PPP2R2A: variants seen among roughly 807,000 people sequenced by gnomAD.
The protein encoded by PPP2R2A is serine/threonine-protein phosphatase 2A 55 kDa regulatory subunit B alpha isoform.
In PPP2R2A, 9 loss-of-function variants were observed where a neutral mutation model predicts 53.2. The observed-to-expected ratio is 0.17, with a 90% CI of 0.10 to 0.30. PPP2R2A has a LOEUF of 0.30. Among genes scored for constraint, PPP2R2A ranks in the 10% least tolerant of loss-of-function variants. The pLI is 1.00. For synonymous variants in PPP2R2A, 169 were observed against 174.2 expected (o/e 0.97, Z 0.23); for missense variants, 235 against 534.6 (o/e 0.44, Z 5.53).
At chr8:26,322,790 C>T (rs1004118873) in intron 2 of PPP2R2A, among the ~76,000 whole-genome samples, 1 of 152,136 alleles carries the variant, frequency 6.6e-6, no homozygotes, top group Admixed American at 6.5e-5. Flanking sequence ...ACCGTCAGAA[C>T]GGTGGTTTCA....
chr8:26,330,988 G>A (rs1024330002), intron 2 of PPP2R2A, among the ~76,000 whole-genome samples: 18 of 152,120 alleles, frequency 1.2e-4, no homozygotes, highest in African/African-American at 3.4e-4. Flanking sequence ...TCTACCTGCT[G>A]GTGGGGATTT....
At chr8:26,329,779 T>G (rs1803275806) in intron 2 of PPP2R2A, among the ~76,000 whole-genome samples, 1 of 152,250 alleles carries the variant, frequency 6.6e-6, no homozygotes, top group Non-Finnish European at 1.5e-5. Context: ...CGACTTTTAG[T>G]ACTAAAGTTT....
intron 2 of PPP2R2A, among the ~76,000 whole-genome samples, chr8:26,333,282 TTG>T (rs1404556921): frequency 6.6e-6 from 1 of 152,216 alleles, no homozygotes; most frequent in African/African-American, 2.4e-5. Context: ...CAAAAACAGG[TTG>T]TGGGCCGTAG....
intron 3 of PPP2R2A, among the ~76,000 whole-genome samples, chr8:26,349,379 A>T (rs1804380871): frequency 6.6e-6 from 1 of 152,190 alleles, no homozygotes; most frequent in Admixed American, 6.5e-5. Context: ...GGAGACGAAG[A>T]GACTGTTGGA....
chr8:26,336,882 GA>G (rs983154181), intron 2 of PPP2R2A, among the ~76,000 whole-genome samples: 3 of 144,420 alleles, frequency 2.1e-5, no homozygotes, highest in Non-Finnish European at 3.0e-5. Flanking sequence ...ACTCTTTTAA[GA>G]AAAAAAAAAG....
chr8:26,313,512 GA>G lies in PPP2R2A; in HGVS notation c.82+19773del, dbSNP rs558017602. ...CAGTGTTCACAGTTGTAGTAGACTG[GA>G]TAATGGTCCCCGAAAGAAATCTGCG... On this transcript the variant is annotated intron_variant, in intron 2 of 9. Transcript: ENST00000380737. Among the ~76,000 whole-genome samples, 863 of 152,274 alleles carry G rather than the reference GA, an allele frequency of 5.7e-3. 4 individuals carry two copies. The highest frequency in any genetic ancestry group is 8.2e-3 in the Non-Finnish European group (556 of 68,016).
At chr8:26,325,057 G>A (rs1803016243) in intron 2 of PPP2R2A, among the ~76,000 whole-genome samples, 1 of 150,460 alleles carries the variant, frequency 6.6e-6, no homozygotes, top group African/African-American at 2.5e-5. Context: ...TTGAGTTAAT[G>A]CTGAAATGAG....
chr8:26,320,897 C>T (rs746797764), intron 2 of PPP2R2A, among the ~76,000 whole-genome samples: 3 of 152,226 alleles, frequency 2.0e-5, no homozygotes, highest in South Asian at 4.2e-4. Context: ...TCACAGTTAT[C>T]GAAACAGTCT....
intron 3 of PPP2R2A, among the ~76,000 whole-genome samples, chr8:26,351,613 C>A (rs1804519051): frequency 6.6e-6 from 1 of 152,138 alleles, no homozygotes. Flanking sequence ...AATCACTTTA[C>A]GAGTGGTTTT....
At chr8:26,339,097 G>T (rs886395100) in intron 3 of PPP2R2A, 110 bp downstream of exon 3, 20 of 811,742 alleles carry the variant, frequency 2.5e-5, no homozygotes, top group Admixed American at 2.4e-5. Flanking sequence ...AGAAGTGTGT[G>T]TTTATTGAAT....
intron 3 of PPP2R2A, among the ~76,000 whole-genome samples, chr8:26,350,310 G>T (rs1341154695): frequency 1.1e-4 from 16 of 152,096 alleles, no homozygotes; most frequent in Admixed American, 1.0e-3. Context: ...TGATCTGCCC[G>T]CCTCAGTCTC....
At chr8:26,365,596 T>C (rs916569375) in intron 8 of PPP2R2A, 1 of 152,206 alleles carries the variant, frequency 6.6e-6, no homozygotes, top group Admixed American at 6.5e-5. Context: ...ACAAATACTT[T>C]GGAACTTTTG....
At chr8:26,327,454 T>G (rs1397218390) in intron 2 of PPP2R2A, among the ~76,000 whole-genome samples, 1 of 152,204 alleles carries the variant, frequency 6.6e-6, no homozygotes. Context: ...TTATTCACTT[T>G]TAAGGAGGAA....
chr8:26,302,390 G>A (rs1801827093), intron 2 of PPP2R2A, among the ~76,000 whole-genome samples: 1 of 152,148 alleles, frequency 6.6e-6, no homozygotes, highest in Admixed American at 6.5e-5. Flanking sequence ...GTGATTTTTT[G>A]ATACTATGTA....
rs541551987 is a variant in PPP2R2A at position 26,360,864 on chromosome 8, T to A, written c.460-110T>A. 3.1e-5 allele frequency: 32 copies of A among 1,027,890 alleles called. No individual in the cohort carries two copies. The South Asian group carries it at 3.7e-4, about 12-fold the overall frequency. The allele number at this position is 1,027,890 out of a possible 1,614,324, so 63.7% of individuals were successfully genotyped here. ...TTTTAAAACTAAATCTATGTAATAT[T>A]GTTCTATTTTATGTTCTCAAAAACT... On this transcript the variant is annotated intron_variant, in intron 5 of 9. Transcript: ENST00000380737. The surrounding 1 kb of genome is among the most constrained non-coding windows in gnomAD (Gnocchi z 4.5).
At position 26,360,804 on chromosome 8, in the gene PPP2R2A, T is replaced by C; in HGVS notation, c.460-170T>C. ...ATATATTATCCACATTGTTCATTTT[T>C]TCTTCAGCACTCGAAAGGATCAACA... On this transcript the variant is annotated intron_variant, in intron 5 of 9. Coordinates refer to ENST00000380737, the MANE Select transcript of PPP2R2A (RefSeq NM_002717.4). This position sits in a 1 kb window ranked among gnomAD's most constrained non-coding sequence, Gnocchi z 4.5. 1 of 572,708 alleles carries C rather than the reference T, an allele frequency of 1.7e-6. No homozygotes were observed. Among genetic ancestry groups the C allele is most frequent in the Non-Finnish European group, 2.9e-6 (1 of 346,288 alleles). 35.5% of individuals were successfully genotyped at this position (572,708 alleles called of 1,614,324 possible).
At chr8:26,363,258 A>G (rs536577551) in intron 7 of PPP2R2A, 1 of 162,736 alleles carries the variant, frequency 6.1e-6, no homozygotes, top group African/African-American at 2.4e-5. Context: ...TTCAGGATAC[A>G]ATATTCTTGT....
rs190178482 is a variant in PPP2R2A, at chr8:26,354,176, A to G, written c.181-292A>G. Among the ~76,000 whole-genome samples, 1 of 152,220 alleles carries G rather than the reference A, an allele frequency of 6.6e-6. No homozygotes were observed. Among genetic ancestry groups the G allele is most frequent in the East Asian group, 1.9e-4 (1 of 5,180 alleles). ...TTTTCATCAGTTTTTTTCATAGACT[A>G]TACCATCAAATACATAAGAGTAAAT... is the stretch of plus-strand genomic sequence containing the variant. On this transcript the variant is annotated intron_variant, in intron 3 of 9. Transcript: ENST00000380737. This position sits in a 1 kb window ranked among gnomAD's most constrained non-coding sequence, Gnocchi z 4.6.
rs748377977 is a variant in PPP2R2A, at chr8:26,370,358, T to C, written c.1289T>C (p.Ile430Thr). The C allele has an allele frequency of 1.2e-6, 2 of 1,614,090 alleles. No individual in the cohort carries two copies. The highest frequency in any genetic ancestry group is 1.7e-6 in the Non-Finnish European group (2 of 1,180,034). The change falls in exon 10 of 10, where the codon ATC (isoleucine) becomes ACC (threonine). Residue 430 changes from isoleucine to threonine, a missense_variant. Physicochemically the swap from Ile to Thr is moderately conservative, Grantham distance 89. Around this residue, in one of 3 missense-constraint regions of PPP2R2A, gnomAD observed 181 missense variants for 409.9 expected, o/e 0.44. Transcript: ENST00000380737. The surrounding 1 kb of genome is among the most constrained non-coding windows in gnomAD (Gnocchi z 6.1). Reference protein sequence around the residue: ...LHTAWHPKENIIAVATTNNLY... With the variant: ...LHTAWHPKENTIAVATTNNLY... ...ACAGCCTGGCACCCCAAGGAAAATATCATTGCCGTAGCTACTACAAACAAT... is the reference window on the plus strand; with the variant it reads ...ACAGCCTGGCACCCCAAGGAAAATACCATTGCCGTAGCTACTACAAACAAT...
Sources: gnomAD v4.1 joint callset for allele counts (sites outside exome capture counted in the v4.1 genomes callset) on GRCh38, gnomAD v4.1.1 for gene constraint, gnomAD v4.1.1 regional missense constraint, Gnocchi (gnomAD v3.1) non-coding constraint, MANE v1.5 for transcripts, NCBI Gene and HGNC (gene_info 2026-07-23, HGNC 2026-07-21) for gene names.